Variants in FRRS1 observed in about 807,000 individuals in gnomAD.
FRRS1 encodes ferric reductase 1.
Under a neutral mutation model 70.7 loss-of-function variants are expected in FRRS1, and 51 were observed. That is an observed-to-expected ratio of 0.72 (90% CI 0.58 to 0.91). The LOEUF is 0.91. Ranked by LOEUF, FRRS1 falls within the 40% of genes least tolerant of loss-of-function variation. FRRS1 has a pLI of 0.00. For synonymous variants in FRRS1, 225 were observed against 238.7 expected (o/e 0.94, Z 0.53); for missense variants, 672 against 726.0 (o/e 0.93, Z 0.86).
intron 1 of FRRS1, among the ~76,000 whole-genome samples, chr1:99,764,218 T>C (rs745790016): frequency 1.3e-5 from 2 of 152,000 alleles, no homozygotes; most frequent in Non-Finnish European, 2.9e-5. Context: ...ACAAGAAAAC[T>C]GCAAAATGAT....
chr1:99,710,013 G>A (rs1373602689), intron 15 of FRRS1, among the ~76,000 whole-genome samples: 4 of 152,048 alleles, frequency 2.6e-5, no homozygotes, highest in African/African-American at 7.2e-5. Context: ...CCATAATTCA[G>A]TGGTCATCAA....
At chr1:99,721,827 G>C (rs1460378777) in intron 9 of FRRS1, among the ~76,000 whole-genome samples, 1 of 151,826 alleles carries the variant, frequency 6.6e-6, no homozygotes, top group Non-Finnish European at 1.5e-5. Context: ...TTGAACTCCT[G>C]ACCTCATGAT....
At chr1:99,756,103 T>C (rs911234844) in intron 1 of FRRS1, among the ~76,000 whole-genome samples, 2 of 152,196 alleles carry the variant, frequency 1.3e-5, no homozygotes, top group Non-Finnish European at 2.9e-5. Flanking sequence ...GTTAAAATTA[T>C]CGACTGTCAA....
At chr1:99,719,829 C>A (rs1654726013) in intron 9 of FRRS1, among the ~76,000 whole-genome samples, 182 bp from the exon 10 acceptor site, 1 of 152,008 alleles carries the variant, frequency 6.6e-6, no homozygotes, top group African/African-American at 2.4e-5. Flanking sequence ...AGGGCACAGA[C>A]TTCCTGAAAA....
chr1:99,734,571 T>C (rs536422014), intron 7 of FRRS1, among the ~76,000 whole-genome samples: 83 of 152,246 alleles, frequency 5.5e-4, no homozygotes, highest in Non-Finnish European at 7.9e-4. Flanking sequence ...AAATTGGAAA[T>C]GGCAGAAGGA....
At chr1:99,752,453 A>G (rs540713525) in intron 1 of FRRS1, among the ~76,000 whole-genome samples, 40 of 152,298 alleles carry the variant, frequency 2.6e-4, no homozygotes, top group African/African-American at 9.6e-4. Flanking sequence ...AGAAGGAGAG[A>G]GATTGGAGAA....
chr1:99,739,068 G>C (rs1220753583), intron 6 of FRRS1, among the ~76,000 whole-genome samples: 1 of 152,170 alleles, frequency 6.6e-6, no homozygotes, highest in Non-Finnish European at 1.5e-5. Context: ...AGGGTGAAGA[G>C]AACAAGCCAC....
At chr1:99,716,019 C>T (rs1177166530) in intron 11 of FRRS1, among the ~76,000 whole-genome samples, 2 of 152,090 alleles carry the variant, frequency 1.3e-5, no homozygotes, top group African/African-American at 2.4e-5. Flanking sequence ...CCATCGAGCA[C>T]AGTGCTATGA....
rs900268991 is a variant in FRRS1 at position 99,715,357 on chromosome 1, T to C, written c.1323+229A>G. ...ATTCACTAAGGCTATAGCATGTATATAACTCATGATGCACCCTAAAAATAC... is the reference window on the plus strand; with the variant it reads ...ATTCACTAAGGCTATAGCATGTATACAACTCATGATGCACCCTAAAAATAC... On this transcript the variant is annotated intron_variant, in intron 12 of 16. Transcript: ENST00000646001. 2.6e-5 allele frequency among the ~76,000 whole-genome samples: 4 copies of C among 152,184 alleles called. No homozygotes were observed. In the East Asian group the frequency reaches 5.8e-4, roughly 22 times the overall value.
intron 3 of FRRS1, chr1:99,748,202 T>C (rs1425797398): frequency 1.2e-5 from 2 of 165,196 alleles, no homozygotes; most frequent in Non-Finnish European, 2.6e-5. Context: ...TTATCTTTAA[T>C]AATCAGCCTA....
chr1:99,727,966 G>C (rs1396957266), intron 9 of FRRS1, among the ~76,000 whole-genome samples: 2 of 152,236 alleles, frequency 1.3e-5, no homozygotes, highest in Non-Finnish European at 2.9e-5. Context: ...CAGCAAGGCA[G>C]TGTGAGGCAT....
chr1:99,746,639 G>A (rs1339923047), intron 4 of FRRS1, among the ~76,000 whole-genome samples: 1 of 152,138 alleles, frequency 6.6e-6, no homozygotes, highest in African/African-American at 2.4e-5. Flanking sequence ...ATGACGATGA[G>A]GACTATGGAG....
At chr1:99,765,840 G>C (rs1657329982) in intron 1 of FRRS1, 1 of 152,354 alleles carries the variant, frequency 6.6e-6, no homozygotes, top group Admixed American at 6.5e-5. Flanking sequence ...GGGAGGCGGA[G>C]CTTGCAGTGA....
intron 7 of FRRS1, among the ~76,000 whole-genome samples, chr1:99,733,697 A>C (rs1655510395): frequency 6.6e-6 from 1 of 152,186 alleles, no homozygotes; most frequent in Non-Finnish European, 1.5e-5. Flanking sequence ...AGGAAAGAAA[A>C]CTCGTATTTT....
Position 99,708,739 on chromosome 1 carries a change from A to G in FRRS1, c.*289T>C, listed in dbSNP as rs1320598409. On this transcript the variant is annotated 3_prime_UTR_variant, in exon 17 of 17. Transcript: ENST00000646001. The stretch of plus-strand genomic sequence containing the variant: ...TCACTATTTATTTTCTTAAATACCA[A>G]CATTCTTAAAATCTTGGCATGAAAT... The G allele has an allele frequency of 1.9e-6, 1 of 513,942 alleles. No homozygotes were observed. The highest frequency in any genetic ancestry group is 1.9e-5 in the African/African-American group (1 of 51,494). The allele number at this position is 513,942 out of a possible 1,614,324, so 31.8% of individuals were successfully genotyped here.
At chr1:99,758,070 G>A (rs1656926991) in intron 1 of FRRS1, among the ~76,000 whole-genome samples, 1 of 152,120 alleles carries the variant, frequency 6.6e-6, no homozygotes, top group Non-Finnish European at 1.5e-5. Context: ...AGAGGAACTT[G>A]TCATTCAGAT....
intron 1 of FRRS1, among the ~76,000 whole-genome samples, chr1:99,751,584 G>A (rs1398726483): frequency 6.6e-6 from 1 of 152,080 alleles, no homozygotes; most frequent in Non-Finnish European, 1.5e-5. Flanking sequence ...CAAGCAAGAA[G>A]AGAGTAGAGT....
Position 99,715,650 on chromosome 1 carries a change from G to A in FRRS1, c.1259C>T (p.Thr420Ile). ...AGCAATGCAGGTGAGGACAGTTGTG[G>A]TGAACATGAGCATCCGATGCACCTG... is the stretch of plus-strand genomic sequence containing the variant. ...WFQVHRMLMF[T>I]TTVLTCIAFV... Residue 420 changes from threonine (T) to isoleucine (I), a missense_variant, in exon 12 of 17, where the codon ACC (threonine) becomes ATC (isoleucine). Coordinates refer to ENST00000646001, the MANE Select transcript of FRRS1 (RefSeq NM_001361041.2). 6.2e-7 allele frequency: 1 copy of A among 1,613,006 alleles called. No individual in the cohort carries two copies. The highest frequency in any genetic ancestry group is 8.5e-7 in the Non-Finnish European group (1 of 1,179,062).
intron 4 of FRRS1, among the ~76,000 whole-genome samples, chr1:99,743,469 A>G (rs1476294082): frequency 1.3e-5 from 2 of 152,242 alleles, no homozygotes; most frequent in African/African-American, 2.4e-5. Flanking sequence ...GAAAAAATTA[A>G]AAAGTTAGGT....
Sources: allele counts gnomAD v4.1 joint callset (sites outside exome capture counted in the v4.1 genomes callset), GRCh38; gene constraint gnomAD v4.1.1; transcripts MANE v1.5; gene names NCBI Gene and HGNC (gene_info 2026-07-23, HGNC 2026-07-21).